The following XYLT1 variants were observed in gnomAD, a reference collection of about 807,000 sequenced individuals.
XYLT1 encodes xylosyltransferase 1.
A neutral mutation model predicts 91.3 loss-of-function variants in XYLT1; 36 were observed. That is an observed-to-expected ratio of 0.39 (90% CI 0.30 to 0.52). The LOEUF (loss-of-function observed/expected upper bound fraction) is 0.52. Ranked by LOEUF, XYLT1 falls within the 20% of genes least tolerant of loss-of-function variation. XYLT1 has a pLI of 0.68. For synonymous variants in XYLT1, 588 were observed against 532.0 expected, an observed-to-expected ratio of 1.11 and a Z score of -1.45; for missense variants, 1,242 against 1,284.5, an observed-to-expected ratio of 0.97 and a Z score of 0.51.
At chr16:17,194,176 C>T (rs922669258) in intron 5 of XYLT1, 2 of 152,158 alleles carry the variant, frequency 1.3e-5, no homozygotes, top group South Asian at 2.1e-4. Flanking sequence ...TCCAAGTGTC[C>T]GGCAGGCTGC....
At chr16:17,186,363 A>G (rs1019142745) in intron 5 of XYLT1, among the ~76,000 whole-genome samples, 1 of 152,028 alleles carries the variant, frequency 6.6e-6, no homozygotes, top group Non-Finnish European at 1.5e-5. Context: ...TTGGCCTCCC[A>G]AAGGGCTGGG....
intron 8 of XYLT1, 45 bp from the exon 9 acceptor site, chr16:17,134,780 C>A: frequency 6.2e-7 from 1 of 1,604,152 alleles, no homozygotes; most frequent in South Asian, 1.1e-5. Flanking sequence ...TCAGCGAGTG[C>A]TGGGGGTTGG....
In XYLT1 at chr16:17,102,226, T is replaced by C. The variant is rs1254207130; in HGVS notation, c.*6469A>G. Reference sequence around the variant, plus strand: ...GTATCCCAGTTTGGATGATAAATTATATAGTCATCCTATCTTCACCATGCA... The same window carrying C: ...GTATCCCAGTTTGGATGATAAATTACATAGTCATCCTATCTTCACCATGCA... On this transcript the variant is annotated 3_prime_UTR_variant, in exon 12 of 12. Coordinates refer to ENST00000261381, the MANE Select transcript of XYLT1 (RefSeq NM_022166.4). 1.3e-5 allele frequency: 2 copies of C among 152,658 alleles called. No individual in the cohort carries two copies. The highest frequency in any genetic ancestry group is 2.1e-4 in the South Asian group (1 of 4,826). 9.5% of individuals were successfully genotyped at this position (152,658 alleles called of 1,614,324 possible).
rs183672642 is a variant in XYLT1, at chr16:17,387,786, A to G, written c.364-29736T>C. On this transcript the variant is annotated intron_variant, in intron 1 of 11. Transcript: ENST00000261381. Reference sequence around the variant, plus strand: ...CCCGGTCCAAGAACCTTTCCTAACCACGTAGGCTGGAAGCTCAACATTGGC... The same window carrying G: ...CCCGGTCCAAGAACCTTTCCTAACCGCGTAGGCTGGAAGCTCAACATTGGC... Among the ~76,000 whole-genome samples the G allele has an allele frequency of 3.9e-5, 6 of 152,166 alleles. No individual in the cohort carries two copies. In the East Asian group the frequency reaches 1.2e-3, roughly 29 times the overall value.
At chr16:17,300,646 G>A (rs1296340566) in intron 2 of XYLT1, among the ~76,000 whole-genome samples, 6 of 151,138 alleles carry the variant, frequency 4.0e-5, no homozygotes, top group Non-Finnish European at 8.8e-5. Flanking sequence ...TAGTAGTGAC[G>A]GGGTTTCATC....
chr16:17,110,785 C>T lies in XYLT1; in HGVS notation c.2558-1768G>A, dbSNP rs1244056981. Among the ~76,000 whole-genome samples, 4 of 152,124 alleles carry T rather than the reference C, an allele frequency of 2.6e-5. No homozygotes were observed. In the East Asian group the frequency reaches 7.7e-4, roughly 29 times the overall value. On this transcript the variant is annotated intron_variant, in intron 11 of 11. Coordinates refer to ENST00000261381, the MANE Select transcript of XYLT1 (RefSeq NM_022166.4). The stretch of plus-strand genomic sequence containing the variant: ...GGTTAAATCCAGGACCGACTGACTC[C>T]AAAGGCAGTGCTTATCACTCACCCT...
chr16:17,317,237 TG>T (rs2034649447), intron 2 of XYLT1, among the ~76,000 whole-genome samples: 1 of 152,184 alleles, frequency 6.6e-6, no homozygotes, highest in Non-Finnish European at 1.5e-5. Context: ...AACTTCTCTT[TG>T]GGTCATTTAC....
At chr16:17,419,708 GAA>G (rs34853071) in intron 1 of XYLT1, among the ~76,000 whole-genome samples, 16,006 of 152,224 alleles carry the variant, frequency 0.11, 977 homozygotes, top group Non-Finnish European at 0.15. Flanking sequence ...TAAAATATAA[GAA>G]AAAGTTACAG....
chr16:17,339,539 A>G (rs1392044813), intron 2 of XYLT1, among the ~76,000 whole-genome samples: 1 of 152,194 alleles, frequency 6.6e-6, no homozygotes, highest in Admixed American at 6.5e-5. Flanking sequence ...TGATTTTTAT[A>G]TATACTTTGA....
chr16:17,470,077 T>G (rs2036962271), intron 1 of XYLT1, among the ~76,000 whole-genome samples: 1 of 147,526 alleles, frequency 6.8e-6, no homozygotes. Context: ...ATCCACTCAC[T>G]CAGGCAGGGA....
intron 4 of XYLT1, 78 bp downstream of exon 4, chr16:17,200,404 T>C (rs532905857): frequency 1.4e-5 from 22 of 1,542,020 alleles, no homozygotes; most frequent in East Asian, 2.3e-5. Flanking sequence ...GGACTAGCAA[T>C]GCAGAAGGAG....
chr16:17,140,658 CAAAAAAAAAAAAAA>C (rs71137974), intron 7 of XYLT1, among the ~76,000 whole-genome samples: 3 of 68,028 alleles, frequency 4.4e-5, no homozygotes, highest in South Asian at 7.1e-4. Flanking sequence ...AAGACTGTCT[CAAAAAAAAAAAAAA>C]AAAAAAAAAA....
At chr16:17,395,764 G>A (rs2035876714) in intron 1 of XYLT1, among the ~76,000 whole-genome samples, 1 of 152,200 alleles carries the variant, frequency 6.6e-6, no homozygotes, top group East Asian at 1.9e-4. Context: ...AGTGAAATCT[G>A]TGAAGGGCTT....
At chr16:17,170,745 C>T (rs79036116) in intron 5 of XYLT1, among the ~76,000 whole-genome samples, 3 of 152,328 alleles carry the variant, frequency 2.0e-5, no homozygotes, top group African/African-American at 7.2e-5. Flanking sequence ...TTCAAATAAT[C>T]ACCATGACCT....
chr16:17,161,533 G>A (rs899499917), intron 5 of XYLT1, among the ~76,000 whole-genome samples: 55 of 152,204 alleles, frequency 3.6e-4, no homozygotes, highest in Non-Finnish European at 3.8e-4. Flanking sequence ...TCTCCAAAGG[G>A]AGATGGAATT....
intron 1 of XYLT1, among the ~76,000 whole-genome samples, chr16:17,367,580 G>C (rs2035472207): frequency 6.6e-6 from 1 of 152,230 alleles, no homozygotes; most frequent in South Asian, 2.1e-4. Context: ...TTCTGGGACT[G>C]CTGGGTGAGA....
At chr16:17,323,622 A>G (rs996544688) in intron 2 of XYLT1, among the ~76,000 whole-genome samples, 4 of 152,156 alleles carry the variant, frequency 2.6e-5, no homozygotes, top group Non-Finnish European at 5.9e-5. Context: ...CCAGCTCCGG[A>G]CTTGTACATG....
intron 1 of XYLT1, among the ~76,000 whole-genome samples, chr16:17,373,136 T>G (rs192322352): frequency 4.6e-5 from 7 of 152,254 alleles, no homozygotes; most frequent in African/African-American, 1.7e-4. Context: ...GATCATCCAA[T>G]ATTATTTTTT....
At chr16:17,194,502 G>A (rs1597183092) in intron 5 of XYLT1, among the ~76,000 whole-genome samples, 1 of 152,348 alleles carries the variant, frequency 6.6e-6, no homozygotes, top group East Asian at 1.9e-4. Flanking sequence ...AAGGAAGAAT[G>A]TGGGAACTTT....
Sources: gnomAD v4.1 joint callset for allele counts (sites outside exome capture counted in the v4.1 genomes callset) on GRCh38, gnomAD v4.1.1 for gene constraint, MANE v1.5 for transcripts, NCBI Gene and HGNC (gene_info 2026-07-23, HGNC 2026-07-21) for gene names.